CYP4F22: variants seen among roughly 807,000 people sequenced by gnomAD.
CYP4F22 encodes ultra-long-chain fatty acid omega-hydroxylase.
A neutral mutation model predicts 60.4 loss-of-function variants in CYP4F22; 37 were observed. The ratio of observed to expected loss-of-function variants is 0.61; its 90% CI spans 0.47 to 0.81. CYP4F22 has a LOEUF of 0.81. Among genes scored for constraint, CYP4F22 ranks in the 30% least tolerant of loss-of-function variants. The probability of loss-of-function intolerance (pLI) is 0.00; values close to 1 mark genes in which losing one functional copy is unlikely to be tolerated. For synonymous variants in CYP4F22, 258 were observed against 280.5 expected, an observed-to-expected ratio of 0.92 and a Z score of 0.80; for missense variants, 655 against 715.0, an observed-to-expected ratio of 0.92 and a Z score of 0.96.
At chr19:15,524,815 G>A (rs559933763) in intron 2 of CYP4F22, among the ~76,000 whole-genome samples, 1 of 152,226 alleles carries the variant, frequency 6.6e-6, no homozygotes, top group African/African-American at 2.4e-5. Flanking sequence ...TTTGTGTTAT[G>A]CGAATCTCAT....
Position 15,551,338 on chromosome 19 carries a change from T to C in CYP4F22, c.1463T>C (p.Val488Ala). 1 of 1,613,606 alleles carries C rather than the reference T, an allele frequency of 6.2e-7. No individual in the cohort carries two copies. The highest frequency in any genetic ancestry group is 8.5e-7 in the Non-Finnish European group (1 of 1,179,790). ...TTCGCCATGGCCGAGTTGCGCGTGGTTGTGGCACTAACACTGCTACGTTTC... is the reference window on the plus strand; with the variant it reads ...TTCGCCATGGCCGAGTTGCGCGTGGCTGTGGCACTAACACTGCTACGTTTC... ...QSFAMAELRV[V>A]VALTLLRFRL... Residue 488 changes from valine to alanine, a missense_variant, in exon 14 of 14, where the codon GTT becomes GCT. Val to Ala is a moderately conservative substitution (Grantham distance 64). Coordinates refer to ENST00000269703, the MANE Select transcript of CYP4F22 (RefSeq NM_173483.4).
chr19:15,528,530 T>A (rs4809199), intron 3 of CYP4F22, among the ~76,000 whole-genome samples: 1 of 151,040 alleles, frequency 6.6e-6, no homozygotes, highest in East Asian at 1.9e-4. Context: ...CTGGTTGCCC[T>A]TGGTGGTAAT....
chr19:15,533,145 C>G (rs1056743095), intron 4 of CYP4F22, among the ~76,000 whole-genome samples: 7 of 152,072 alleles, frequency 4.6e-5, no homozygotes, highest in African/African-American at 1.4e-4. Context: ...GGCCTTTGGA[C>G]TAGGAAATTT....
In CYP4F22 at chr19:15,551,328, T is replaced by G. The variant is rs150443867; in HGVS notation, c.1453T>G (p.Leu485Val). ...CGGACAGAGCTTCGCCATGGCCGAG[T>G]TGCGCGTGGTTGTGGCACTAACACT... ...CIGQSFAMAE[L>V]RVVVALTLLR... The change falls in exon 14 of 14, where the codon TTG (leucine) becomes GTG (valine). Residue 485 changes from leucine to valine, a missense_variant. Leu to Val is a conservative substitution (Grantham distance 32). This residue lies in a region of CYP4F22 where 151 missense variants were observed against 139.4 expected (regional missense o/e 1.08). Coordinates refer to ENST00000269703, the MANE Select transcript of CYP4F22 (RefSeq NM_173483.4). 2.4e-4 allele frequency: 381 copies of G among 1,613,436 alleles called. 1 individual carries two copies. In the African/African-American group the frequency reaches 4.6e-3, roughly 19 times the overall value.
At chr19:15,550,608 G>A (rs1442370038) in intron 12 of CYP4F22, 66 bp from the exon 13 acceptor site, 2 of 1,548,080 alleles carry the variant, frequency 1.3e-6, no homozygotes, top group African/African-American at 1.4e-5. Flanking sequence ...AGAGGCTCAG[G>A]GAAGGGGGCC....
chr19:15,537,682 G>T lies in CYP4F22; in HGVS notation c.549+20G>T, dbSNP rs1447995399. On this transcript the variant is annotated intron_variant, in intron 6 of 13. Transcript: ENST00000269703. Reference sequence around the variant, plus strand: ...ATGCATGTGAGTCCTAAGGCTTTGAGGGAAGAGGGTGTCTTGGGAGTGAGG... The same window carrying T: ...ATGCATGTGAGTCCTAAGGCTTTGATGGAAGAGGGTGTCTTGGGAGTGAGG... The T allele has an allele frequency of 1.9e-6, 3 of 1,610,216 alleles. No homozygotes were observed. Among genetic ancestry groups the T allele is most frequent in the Non-Finnish European group, 2.5e-6 (3 of 1,180,032 alleles).
At chr19:15,549,743 T>C (rs898928040) in intron 12 of CYP4F22, among the ~76,000 whole-genome samples, 15 of 151,156 alleles carry the variant, frequency 9.9e-5, no homozygotes, top group African/African-American at 3.4e-4. Flanking sequence ...GATGGGAAGA[T>C]TGTTTGAGGC....
chr19:15,525,588 G>A, intron 3 of CYP4F22, 30 bp downstream of exon 3: 1 of 1,594,294 alleles, frequency 6.3e-7, no homozygotes, highest in Non-Finnish European at 8.5e-7. Context: ...ACTGGGCTGG[G>A]CTGGGCTGGG....
At chr19:15,520,402 GT>G (rs199529189) in intron 1 of CYP4F22, among the ~76,000 whole-genome samples, 67 of 138,508 alleles carry the variant, frequency 4.8e-4, no homozygotes, top group East Asian at 2.4e-3. Context: ...TTTTTTTGCT[GT>G]TTTTTTTTTT....
At chr19:15,516,080 T>A (rs746101801) in intron 1 of CYP4F22, 1 of 152,172 alleles carries the variant, frequency 6.6e-6, no homozygotes, top group Non-Finnish European at 1.5e-5. Flanking sequence ...TGCAGCCATA[T>A]CATAGCAGGA....
At position 15,550,681 on chromosome 19, in the gene CYP4F22, A is replaced by T; in HGVS notation, c.1343A>T (p.Asn448Ile). ...PTVWPDSKVY[N>I]PYRFDPDNPQ... ...CAGGCTGTTCCTCCCTAGGTGTACA[A>T]CCCCTACCGCTTTGACCCGGACAAC... The change falls in exon 13 of 14, where the codon AAC becomes ATC. Residue 448 changes from asparagine (N) to isoleucine (I), a missense_variant. Coordinates refer to ENST00000269703, the MANE Select transcript of CYP4F22 (RefSeq NM_173483.4). 6.2e-7 allele frequency: 1 copy of T among 1,613,930 alleles called. No individual in the cohort carries two copies. The highest frequency in any genetic ancestry group is 8.5e-7 in the Non-Finnish European group (1 of 1,179,984).
chr19:15,531,894 C>G (rs1452191975), intron 4 of CYP4F22, among the ~76,000 whole-genome samples: 1 of 152,106 alleles, frequency 6.6e-6, no homozygotes, highest in South Asian at 2.1e-4. Flanking sequence ...CACTTGAGCC[C>G]AGGAGTTCAA....
chr19:15,546,905 C>T (rs1490568608), intron 10 of CYP4F22, among the ~76,000 whole-genome samples: 3 of 150,614 alleles, frequency 2.0e-5, no homozygotes, highest in African/African-American at 7.3e-5. Context: ...GAGATGGGGT[C>T]TCTCTTTGTT....
chr19:15,547,588 C>T (rs192678214), intron 10 of CYP4F22, among the ~76,000 whole-genome samples: 8 of 152,046 alleles, frequency 5.3e-5, no homozygotes, highest in South Asian at 2.1e-4. Context: ...TTTGGGAGGC[C>T]GAGGTGGGTG....
intron 1 of CYP4F22, among the ~76,000 whole-genome samples, chr19:15,509,892 CCTTCCTTCCTTCCTTT>C (rs1568350760): frequency 9.8e-6 from 1 of 102,394 alleles, no homozygotes; most frequent in African/African-American, 3.1e-5. Context: ...TTCCTTCCTT[CCTTCCTTCCTTCCTTT>C]CTTTCTTTCC....
chr19:15,518,670 G>A (rs888226126), intron 1 of CYP4F22, among the ~76,000 whole-genome samples: 2,948 of 67,794 alleles, frequency 0.043, no homozygotes, highest in Non-Finnish European at 0.049. Context: ...AAAAAAAAAA[G>A]AAACAAAACA....
At chr19:15,515,761 T>C (rs1426362082) in intron 1 of CYP4F22, among the ~76,000 whole-genome samples, 4 of 151,274 alleles carry the variant, frequency 2.6e-5, no homozygotes, top group Non-Finnish European at 5.9e-5. Flanking sequence ...TCTCGCCCTG[T>C]CACCCAGGCT....
At chr19:15,540,393 G>A (rs1001847431) in intron 7 of CYP4F22, 57 bp from the exon 8 acceptor site, 36 of 1,611,230 alleles carry the variant, frequency 2.2e-5, no homozygotes, top group Non-Finnish European at 3.0e-5. Context: ...AGCCAAGCCA[G>A]GGCTGTGCTA....
chr19:15,534,175 G>A (rs1000120510), intron 4 of CYP4F22, among the ~76,000 whole-genome samples: 1 of 152,174 alleles, frequency 6.6e-6, no homozygotes, highest in African/African-American at 2.4e-5. Context: ...ACCTACGCAC[G>A]TATTTAATGA....
Sources: allele counts gnomAD v4.1 joint callset (sites outside exome capture counted in the v4.1 genomes callset), GRCh38; gene constraint gnomAD v4.1.1; regional missense constraint gnomAD v4.1.1; transcripts MANE v1.5; gene names NCBI Gene and HGNC (gene_info 2026-07-23, HGNC 2026-07-21).